Variants in BFSP2 observed in about 807,000 individuals in gnomAD.
BFSP2 encodes the protein beaded filament structural protein 2, also known as phakinin.
BFSP2 carries 38 observed loss-of-function variants against 44.9 expected under a neutral mutation model. That is an observed-to-expected ratio of 0.85 (90% CI 0.65 to 1.11). The LOEUF (loss-of-function observed/expected upper bound fraction) is 1.11. BFSP2 is among the 50% of genes least tolerant of loss of function. The probability of loss-of-function intolerance (pLI) is 0.00; values close to 1 mark genes in which losing one functional copy is unlikely to be tolerated. For synonymous variants in BFSP2, 197 were observed against 209.9 expected, an observed-to-expected ratio of 0.94 and a Z score of 0.53; for missense variants, 525 against 533.0, an observed-to-expected ratio of 0.99 and a Z score of 0.15.
intron 1 of BFSP2, among the ~76,000 whole-genome samples, chr3:133,418,793 C>T (rs2073567626): frequency 6.6e-6 from 1 of 152,214 alleles, no homozygotes; most frequent in Non-Finnish European, 1.5e-5. Flanking sequence ...AAACCATCCA[C>T]AGTCTTCACT....
chr3:133,425,789 G>GGAA (rs1270742867), intron 1 of BFSP2, among the ~76,000 whole-genome samples: 2 of 136,324 alleles, frequency 1.5e-5, no homozygotes, highest in African/African-American at 6.6e-5. Flanking sequence ...GAAAGGGAAG[G>GGAA]GAAGGGAAGG....
chr3:133,444,836 C>G (rs1425620680), intron 1 of BFSP2, among the ~76,000 whole-genome samples: 1 of 152,126 alleles, frequency 6.6e-6, no homozygotes, highest in Non-Finnish European at 1.5e-5. Context: ...AAGAGCCTCC[C>G]GACTGGTTCT....
chr3:133,456,140 G>T (rs1188157361), intron 4 of BFSP2, among the ~76,000 whole-genome samples: 1 of 152,202 alleles, frequency 6.6e-6, no homozygotes, highest in African/African-American at 2.4e-5. Flanking sequence ...CAAATGGATT[G>T]CTCCCATGCT....
chr3:133,458,081 AT>A (rs2074029598), intron 4 of BFSP2, among the ~76,000 whole-genome samples: 1 of 152,232 alleles, frequency 6.6e-6, no homozygotes, highest in African/African-American at 2.4e-5. Flanking sequence ...CTCTACAAAG[AT>A]TATAACAATT....
chr3:133,439,400 C>T (rs140857961), intron 1 of BFSP2, among the ~76,000 whole-genome samples: 6 of 152,354 alleles, frequency 3.9e-5, no homozygotes, highest in African/African-American at 1.4e-4. Flanking sequence ...AGGCACTGAA[C>T]TGGGTGCTAA....
chr3:133,404,923 G>C (rs2073392463), intron 1 of BFSP2: 1 of 152,272 alleles, frequency 6.6e-6, no homozygotes, highest in South Asian at 2.1e-4. Flanking sequence ...CAACTACAGA[G>C]GCTGAGGAAG....
intron 6 of BFSP2, among the ~76,000 whole-genome samples, chr3:133,474,525 T>C (rs2074197029): frequency 6.6e-6 from 1 of 152,226 alleles, no homozygotes; most frequent in Non-Finnish European, 1.5e-5. Flanking sequence ...TGATTTTTGT[T>C]GATTATAAAA....
intron 1 of BFSP2, among the ~76,000 whole-genome samples, chr3:133,443,184 G>A (rs964748047): frequency 1.3e-5 from 2 of 152,122 alleles, no homozygotes; most frequent in Non-Finnish European, 2.9e-5. Context: ...TTTCATTCGG[G>A]GACATGTTAA....
chr3:133,461,828 A>G (rs1053795897), intron 4 of BFSP2, among the ~76,000 whole-genome samples: 9 of 152,222 alleles, frequency 5.9e-5, no homozygotes, highest in South Asian at 2.1e-4. Context: ...ACTAGAAGAA[A>G]GCCTCTGTTC....
At chr3:133,419,132 A>G (rs2073570502) in intron 1 of BFSP2, among the ~76,000 whole-genome samples, 1 of 151,774 alleles carries the variant, frequency 6.6e-6, no homozygotes, top group Non-Finnish European at 1.5e-5. Context: ...CCCTCTGTAC[A>G]TCTGTGTCCA....
At chr3:133,448,871 C>T in intron 3 of BFSP2, 4 of 564,202 alleles carry the variant, frequency 7.1e-6, no homozygotes, top group South Asian at 4.3e-5. Context: ...GGTACAGAAA[C>T]AGGGGAAGGC....
intron 1 of BFSP2, among the ~76,000 whole-genome samples, chr3:133,419,411 T>C (rs575675697): frequency 6.6e-6 from 1 of 152,258 alleles, no homozygotes; most frequent in East Asian, 1.9e-4. Flanking sequence ...AAAATACTGT[T>C]TAAAAACTTC....
chr3:133,466,680 A>C (rs952432837), intron 4 of BFSP2, 148 bp from the exon 5 acceptor site: 2 of 467,754 alleles, frequency 4.3e-6, no homozygotes, highest in East Asian at 5.5e-5. Context: ...ATCTCAACAA[A>C]AAAAAAAAAA....
At chr3:133,408,098 GA>G (rs1330515027) in intron 1 of BFSP2, among the ~76,000 whole-genome samples, 9 of 149,036 alleles carry the variant, frequency 6.0e-5, no homozygotes, top group Admixed American at 3.3e-4. Flanking sequence ...TGACAAACTA[GA>G]AAAAAAAATG....
intron 1 of BFSP2, among the ~76,000 whole-genome samples, chr3:133,415,960 C>T (rs1468045210): frequency 6.9e-6 from 1 of 145,630 alleles, no homozygotes; most frequent in Admixed American, 6.8e-5. Flanking sequence ...CCTGACCTCT[C>T]CCCTCTGCTC....
chr3:133,438,522 G>A (rs2073813426), intron 1 of BFSP2, among the ~76,000 whole-genome samples: 3 of 152,116 alleles, frequency 2.0e-5, no homozygotes, highest in African/African-American at 7.2e-5. Flanking sequence ...GTGGCAGAGT[G>A]GGACTCCATC....
chr3:133,446,614 AT>A (rs2073902606), intron 1 of BFSP2, among the ~76,000 whole-genome samples: 1 of 50,006 alleles, frequency 2.0e-5, no homozygotes, highest in African/African-American at 1.1e-4. Context: ...ATATATATAT[AT>A]ATATATATAT....
chr3:133,407,370 A>T lies in BFSP2; in HGVS notation c.489+6798A>T, dbSNP rs1015909732. 3.3e-5 allele frequency among the ~76,000 whole-genome samples: 5 copies of T among 152,356 alleles called. No homozygotes were observed. The East Asian group carries it at 7.7e-4, about 23-fold the overall frequency. ...AATCAAATCTATCTGAAACACACAA[A>T]ATAGTCTTGAACAAATGGAAAGAAA... On this transcript the variant is annotated intron_variant, in intron 1 of 6. Transcript: ENST00000302334.
rs2073353182 is a variant in BFSP2, at chr3:133,400,441, G to C, written c.358G>C (p.Ala120Pro). ...AGGGGGCTGCCTGGTGGAATATATG[G>C]CCAAAGTGCACGCCCTTGAGCAAGT... ...DLGGCLVEYM[A>P]KVHALEQVSQ... The change falls in exon 1 of 7, where the codon GCC (alanine) becomes CCC (proline). Residue 120 changes from alanine (A) to proline (P), a missense_variant. Transcript: ENST00000302334. This position sits in a 1 kb window ranked among gnomAD's most constrained non-coding sequence, Gnocchi z 4.0. 1 of 1,613,910 alleles carries C rather than the reference G, an allele frequency of 6.2e-7. No homozygotes were observed. Among genetic ancestry groups the C allele is most frequent in the Non-Finnish European group, 8.5e-7 (1 of 1,180,042 alleles).
Sources: allele counts gnomAD v4.1 joint callset (sites outside exome capture counted in the v4.1 genomes callset), GRCh38; gene constraint gnomAD v4.1.1; non-coding constraint Gnocchi (gnomAD v3.1); transcripts MANE v1.5; gene names NCBI Gene and HGNC (gene_info 2026-07-23, HGNC 2026-07-21).